Variants in ENAH observed in about 807,000 individuals in gnomAD.
ENAH encodes protein enabled homolog.
A neutral mutation model predicts 78.7 loss-of-function variants in ENAH; 23 were observed. The ratio of observed to expected loss-of-function variants is 0.29; its 90% CI spans 0.21 to 0.41. The LOEUF (loss-of-function observed/expected upper bound fraction) is 0.41, where lower values mean the gene tolerates loss of function less well. Ranked by LOEUF, ENAH falls within the 10% of genes least tolerant of loss-of-function variation. The pLI is 1.00. For synonymous variants in ENAH, 226 were observed against 241.0 expected (o/e 0.94, Z 0.58); for missense variants, 544 against 691.0 (o/e 0.79, Z 2.39).
rs547892114 is a variant in ENAH at position 225,505,609 on chromosome 1, A to C, written c.1538+2342T>G. On this transcript the variant is annotated intron_variant, in intron 11 of 13. Coordinates refer to ENST00000366843, the MANE Select transcript of ENAH (RefSeq NM_018212.6). Reference sequence around the variant, plus strand: ...AAAGAGAAATGGGGACCTTCACTACAATGCAAGGATAAGACATACTTAATA... The same window carrying C: ...AAAGAGAAATGGGGACCTTCACTACCATGCAAGGATAAGACATACTTAATA... Among the ~76,000 whole-genome samples, 4 of 117,638 alleles carry C rather than the reference A, an allele frequency of 3.4e-5. No homozygotes were observed. The South Asian group carries it at 1.1e-3, about 32-fold the overall frequency. The allele number at this position is 117,638 out of a possible 152,430, so 77.2% of individuals were successfully genotyped here. A position where few individuals can be genotyped will look rare whatever the true frequency, so the allele number is the denominator to read the frequency against.
At chr1:225,614,857 C>G (rs2148170009) in intron 1 of ENAH, among the ~76,000 whole-genome samples, 1 of 152,284 alleles carries the variant, frequency 6.6e-6, no homozygotes, top group Middle Eastern at 3.4e-3. Context: ...CACTCAGAAA[C>G]CTGTCTCAAA....
rs2096533144 is a variant in ENAH, at chr1:225,530,600, G to C, written c.388C>G (p.Gln130Glu). The change falls in exon 4 of 14, where the codon CAA becomes GAA. Residue 130 changes from glutamine to glutamate, a missense_variant. Coordinates refer to ENST00000366843, the MANE Select transcript of ENAH (RefSeq NM_018212.6). ...TCTTGGGATGGGCCATTTTGAACTT[G>C]AGCAGGTAGTTGTGAGTTTTGTCTA... is the stretch of plus-strand genomic sequence containing the variant. ...LPRQNSQLPA[Q>E]VQNGPSQEEL... The C allele has an allele frequency of 1.2e-6, 2 of 1,613,600 alleles. No individual in the cohort carries two copies.
Position 225,501,062 on chromosome 1 carries a change from GA to G in ENAH, c.1546del (p.Ser516ProfsTer22). On this transcript the variant is annotated frameshift_variant, in exon 12 of 14. Coordinates refer to ENST00000366843, the MANE Select transcript of ENAH (RefSeq NM_018212.6). LOFTEE classifies it high-confidence loss of function. Reference sequence around the variant, plus strand: ...GGCACTGGGCTGTGATAAGGGTGTGGATTTTGGTCTGTATAAATGAGATTTC... The same window carrying G: ...GGCACTGGGCTGTGATAAGGGTGTGGTTTTGGTCTGTATAAATGAGATTTC... ...SKSPVISRPK[S>X]TPLSQPSANG... 6.2e-7 allele frequency: 1 copy of G among 1,613,946 alleles called. No homozygotes were observed. The highest frequency in any genetic ancestry group is 8.5e-7 in the Non-Finnish European group (1 of 1,179,890).
At chr1:225,553,494 G>A (rs184281425) in intron 3 of ENAH, among the ~76,000 whole-genome samples, 3 of 151,810 alleles carry the variant, frequency 2.0e-5, no homozygotes, top group South Asian at 2.1e-4. Context: ...TCTAAAACAC[G>A]GGATAGTCAA....
At chr1:225,500,335 TG>T (rs1005436240) in intron 12 of ENAH, among the ~76,000 whole-genome samples, 2 of 152,184 alleles carry the variant, frequency 1.3e-5, no homozygotes, top group Non-Finnish European at 2.9e-5. Context: ...AATCCAAACG[TG>T]GACAGTATCT....
chr1:225,524,631 C>G (rs989427155), intron 4 of ENAH: 6 of 985,398 alleles, frequency 6.1e-6, no homozygotes, highest in Non-Finnish European at 7.2e-6. Flanking sequence ...GTCCATCCGG[C>G]CTCCGAAGGC....
chr1:225,509,036 A>C (rs890661642), intron 10 of ENAH, among the ~76,000 whole-genome samples: 1 of 152,130 alleles, frequency 6.6e-6, no homozygotes, highest in Non-Finnish European at 1.5e-5. Flanking sequence ...GTCATTATTG[A>C]TCTTGCTTTA....
chr1:225,550,955 C>T (rs952451692), intron 3 of ENAH, among the ~76,000 whole-genome samples: 1 of 151,974 alleles, frequency 6.6e-6, no homozygotes, highest in African/African-American at 2.4e-5. Context: ...AAAAGTTGGG[C>T]AAATTTGCCT....
rs543392082 is a variant in ENAH at position 225,520,335 on chromosome 1, AAAG to A, written c.435-773_435-771del. ...GTTTACTGAATGAAAAAGAGTCAAG[AAAG>A]AAGAAATAAACTTTAAATGATTGAA... On this transcript the variant is annotated intron_variant, in intron 4 of 13. Transcript: ENST00000366843. Among the ~76,000 whole-genome samples the A allele has an allele frequency of 2.9e-4, 36 of 125,840 alleles. No individual in the cohort carries two copies. In the South Asian group the frequency reaches 6.7e-3, roughly 23 times the overall value. The allele number at this position is 125,840 out of a possible 152,430, so 82.6% of individuals were successfully genotyped here.
Position 225,607,463 on chromosome 1 carries a change from G to A in ENAH, c.6-40049C>T, listed in dbSNP as rs191654666. Among the ~76,000 whole-genome samples the A allele has an allele frequency of 2.7e-5, 4 of 146,222 alleles. No homozygotes were observed. The East Asian group carries it at 8.5e-4, about 31-fold the overall frequency. On this transcript the variant is annotated intron_variant, in intron 1 of 13. Coordinates refer to ENST00000366843, the MANE Select transcript of ENAH (RefSeq NM_018212.6). Reference sequence around the variant, plus strand: ...TGTCTAGCAGAATTACTGAGGGAATGTACCAAGAATAAAGCCTAGAAAAGT... The same window carrying A: ...TGTCTAGCAGAATTACTGAGGGAATATACCAAGAATAAAGCCTAGAAAAGT...
At position 225,497,649 on chromosome 1, in the gene ENAH, T is replaced by A. The variant is rs1273762752; in HGVS notation, c.*126A>T. 1.7e-5 allele frequency: 15 copies of A among 902,028 alleles called. No individual in the cohort carries two copies. Among genetic ancestry groups the A allele is most frequent in the Non-Finnish European group, 2.5e-5 (15 of 610,496 alleles). 55.9% of individuals were successfully genotyped at this position (902,028 alleles called of 1,614,324 possible). A position where few individuals can be genotyped will look rare whatever the true frequency, so the allele number is the denominator to read the frequency against. On this transcript the variant is annotated 3_prime_UTR_variant, in exon 14 of 14. Coordinates refer to ENST00000366843, the MANE Select transcript of ENAH (RefSeq NM_018212.6). ...CTTTCAGAGTAGGTTGGTTTTTCCC[T>A]CCTTCTGTTTGTCTCCATTTTCTTC...
chr1:225,598,033 T>A (rs1364915430), intron 1 of ENAH, among the ~76,000 whole-genome samples: 1 of 152,026 alleles, frequency 6.6e-6, no homozygotes, highest in African/African-American at 2.4e-5. Context: ...TATTCTTCAC[T>A]CCTTTTTTAA....
At chr1:225,523,071 T>C (rs947938228) in intron 4 of ENAH, among the ~76,000 whole-genome samples, 4 of 152,116 alleles carry the variant, frequency 2.6e-5, no homozygotes, top group Non-Finnish European at 4.4e-5. Flanking sequence ...GGAAGATGCC[T>C]TCTACAACTC....
At chr1:225,517,673 G>A (rs1270886166) in intron 5 of ENAH, 5 of 1,550,988 alleles carry the variant, frequency 3.2e-6, no homozygotes, top group Admixed American at 2.0e-5. Flanking sequence ...GTAGCTGGAG[G>A]CTGAGAAGAG....
chr1:225,585,683 G>C (rs1404943890), intron 1 of ENAH, among the ~76,000 whole-genome samples: 1 of 152,162 alleles, frequency 6.6e-6, no homozygotes, highest in African/African-American at 2.4e-5. Flanking sequence ...CAGCTACCCA[G>C]AAAGCTGAGG....
chr1:225,563,170 A>ATAAC (rs2096717124), intron 2 of ENAH, among the ~76,000 whole-genome samples: 1 of 152,184 alleles, frequency 6.6e-6, no homozygotes, highest in South Asian at 2.1e-4. Flanking sequence ...AAATCTTGTT[A>ATAAC]GTTCTAATAG....
rs2096228021 is a variant in ENAH at position 225,492,718 on chromosome 1, C to T, written c.*5057G>A. On this transcript the variant is annotated 3_prime_UTR_variant, in exon 14 of 14. Coordinates refer to ENST00000366843, the MANE Select transcript of ENAH (RefSeq NM_018212.6). Reference sequence around the variant, plus strand: ...CTTCCGTTTAGAAGGTTGTGTGCATCACAGAGTATCTGTAACGGGGACAGT... The same window carrying T: ...CTTCCGTTTAGAAGGTTGTGTGCATTACAGAGTATCTGTAACGGGGACAGT... The T allele has an allele frequency of 6.6e-6, 1 of 152,220 alleles. No homozygotes were observed. Among genetic ancestry groups the T allele is most frequent in the Non-Finnish European group, 1.5e-5 (1 of 68,036 alleles). The allele number at this position is 152,220 out of a possible 1,614,324, so 9.4% of individuals were successfully genotyped here.
At chr1:225,536,498 G>T (rs1019588203) in intron 3 of ENAH, among the ~76,000 whole-genome samples, 1 of 151,760 alleles carries the variant, frequency 6.6e-6, no homozygotes, top group African/African-American at 2.4e-5. Context: ...TTCTTTTTCC[G>T]TTGGTATTAA....
chr1:225,580,194 A>G (rs1480408130), intron 1 of ENAH: 1 of 152,124 alleles, frequency 6.6e-6, no homozygotes, highest in East Asian at 1.9e-4. Flanking sequence ...TGGGAAAAAA[A>G]ATACATATAT....
Sources: gnomAD v4.1 joint callset for allele counts (sites outside exome capture counted in the v4.1 genomes callset) on GRCh38, gnomAD v4.1.1 for gene constraint, MANE v1.5 for transcripts, NCBI Gene and HGNC (gene_info 2026-07-23, HGNC 2026-07-21) for gene names.